Variants in SDK2 observed in about 807,000 individuals in gnomAD.
The protein encoded by SDK2 is sidekick cell adhesion molecule 2.
Under a neutral mutation model 253.9 loss-of-function variants are expected in SDK2, and 105 were observed. The observed-to-expected ratio is 0.41, with a 90% CI of 0.35 to 0.49. SDK2 has a LOEUF of 0.49. Among genes scored for constraint, SDK2 ranks in the 20% least tolerant of loss-of-function variants. The pLI, the probability that SDK2 is intolerant of heterozygous loss-of-function variation, is 0.06. For synonymous variants in SDK2, 1,249 were observed against 1,234.9 expected (o/e 1.01, Z -0.24); for missense variants, 2,608 against 3,003.0 (o/e 0.87, Z 3.07).
intron 26 of SDK2, 133 bp downstream of exon 26, chr17:73,394,076 A>G (rs2145504882): frequency 1.8e-6 from 1 of 552,870 alleles, no homozygotes; most frequent in East Asian, 3.1e-5. Context: ...ACCATTGGCT[A>G]GGACGCCAGG....
chr17:73,404,267 T>C (rs1423463870), intron 18 of SDK2, among the ~76,000 whole-genome samples: 1 of 152,176 alleles, frequency 6.6e-6, no homozygotes, highest in East Asian at 1.9e-4. Flanking sequence ...TGTGAGCCAC[T>C]TGTCCTTCTC....
At position 73,463,676 on chromosome 17, in the gene SDK2, A is replaced by C. The variant is rs1363689707; in HGVS notation, c.332-7623T>G. On this transcript the variant is annotated intron_variant, in intron 3 of 44. Transcript: ENST00000392650. ...TTTTAAACATTTTACACCTGGGATT[A>C]TCCTGTATATAGTCTTCCGTGATTT... 2.6e-5 allele frequency among the ~76,000 whole-genome samples: 4 copies of C among 152,248 alleles called. No homozygotes were observed. The South Asian group carries it at 6.2e-4, about 24-fold the overall frequency.
intron 5 of SDK2, among the ~76,000 whole-genome samples, chr17:73,441,840 C>A (rs564112395): frequency 6.6e-6 from 1 of 152,280 alleles, no homozygotes; most frequent in Admixed American, 6.5e-5. Context: ...CTGTGTCCCC[C>A]ACCCATTCAT....
chr17:73,414,172 C>T (rs1001623160), intron 18 of SDK2, among the ~76,000 whole-genome samples: 1 of 151,764 alleles, frequency 6.6e-6, no homozygotes, highest in Non-Finnish European at 1.5e-5. Context: ...CTCAGCCTCC[C>T]GAGTAGCTGG....
chr17:73,484,384 G>A lies in SDK2; in HGVS notation c.225-12166C>T, dbSNP rs2063757419. On this transcript the variant is annotated intron_variant, in intron 2 of 44. Transcript: ENST00000392650. ...GGGCTCACTCCAGCCTCCCAGGTGT[G>A]CAGGGGAGACTCAGTTGCTTCTCAA... is the stretch of plus-strand genomic sequence containing the variant. Among the ~76,000 whole-genome samples the A allele has an allele frequency of 2.6e-5, 4 of 152,202 alleles. No homozygotes were observed. The South Asian group carries it at 8.3e-4, about 31-fold the overall frequency.
intron 2 of SDK2, among the ~76,000 whole-genome samples, chr17:73,499,137 T>G (rs929659777): frequency 6.6e-6 from 1 of 152,234 alleles, no homozygotes; most frequent in African/African-American, 2.4e-5. Flanking sequence ...CTGCTCTCTC[T>G]TCTAAGGGGA....
At chr17:73,563,777 A>AT (rs59296594) in intron 1 of SDK2, among the ~76,000 whole-genome samples, 5,053 of 144,566 alleles carry the variant, frequency 0.035, 270 homozygotes, top group African/African-American at 0.12. Context: ...TCTCTCACTG[A>AT]TTTTTTTTTT....
chr17:73,342,411 T>C (rs909930917), intron 44 of SDK2, among the ~76,000 whole-genome samples: 1 of 152,206 alleles, frequency 6.6e-6, no homozygotes, highest in African/African-American at 2.4e-5. Flanking sequence ...AGACTCCATA[T>C]GCCGAGCGGG....
chr17:73,433,521 C>T (rs552924164), intron 10 of SDK2, among the ~76,000 whole-genome samples: 4 of 152,118 alleles, frequency 2.6e-5, no homozygotes, highest in Non-Finnish European at 5.9e-5. Flanking sequence ...TTCCTGACCT[C>T]AGGGTGATCT....
rs151190570 is a variant in SDK2, at chr17:73,606,683, G to C, written c.64+37342C>G. Among the ~76,000 whole-genome samples, 414 of 150,444 alleles carry C rather than the reference G, an allele frequency of 2.8e-3. 3 individuals carry two copies. Among genetic ancestry groups the C allele is most frequent in the African/African-American group, 9.5e-3 (390 of 41,166 alleles). ...TCCCTGCAGAGCCTGTTTTCTTTTG[G>C]AAAGTCACGATCGACTCTATCCATG... On this transcript the variant is annotated intron_variant, in intron 1 of 44. Transcript: ENST00000392650.
intron 15 of SDK2, among the ~76,000 whole-genome samples, chr17:73,421,895 C>T (rs1403543824): frequency 6.6e-6 from 1 of 152,004 alleles, no homozygotes; most frequent in Non-Finnish European, 1.5e-5. Context: ...TGCGGGAACC[C>T]TAGCAGGGCC....
rs2063699773 is a variant in SDK2 at position 73,478,312 on chromosome 17, G to T, written c.225-6094C>A. 2.0e-5 allele frequency among the ~76,000 whole-genome samples: 3 copies of T among 152,150 alleles called. No homozygotes were observed. In the South Asian group the frequency reaches 6.2e-4, roughly 32 times the overall value. ...TGGAGCTTCCTCGGGCTTTTTGACA[G>T]CTGCAGAGTATTGAGGAATCTTCCG... On this transcript the variant is annotated intron_variant, in intron 2 of 44. Coordinates refer to ENST00000392650, the MANE Select transcript of SDK2 (RefSeq NM_001144952.2).
At chr17:73,342,859 G>C (rs1014362045) in intron 44 of SDK2, among the ~76,000 whole-genome samples, 4 of 149,078 alleles carry the variant, frequency 2.7e-5, no homozygotes, top group Middle Eastern at 3.2e-3. Flanking sequence ...TAACCCAGGA[G>C]AGAATGCTGT....
chr17:73,523,138 C>G (rs9892000), intron 1 of SDK2, among the ~76,000 whole-genome samples: 3,036 of 152,278 alleles, frequency 0.02, 119 homozygotes, highest in African/African-American at 0.069. Flanking sequence ...CACTTGATAG[C>G]TCTTAGCCTC....
In SDK2 at chr17:73,359,336, G is replaced by A. The variant is rs571503607; in HGVS notation, c.5468-1132C>T. On this transcript the variant is annotated intron_variant, in intron 39 of 44. Coordinates refer to ENST00000392650, the MANE Select transcript of SDK2 (RefSeq NM_001144952.2). The stretch of plus-strand genomic sequence containing the variant: ...ATCGCTCACACAGCCTGGCAGCCCC[G>A]CCTGGCCCCTATGCCCACCCCACAG... 6.7e-5 allele frequency among the ~76,000 whole-genome samples: 10 copies of A among 149,580 alleles called. No individual in the cohort carries two copies. The South Asian group carries it at 1.6e-3, about 24-fold the overall frequency.
intron 18 of SDK2, among the ~76,000 whole-genome samples, chr17:73,405,467 CATATATATATATAT>C (rs1166184210): frequency 3.3e-4 from 2 of 6,036 alleles, no homozygotes; most frequent in African/African-American, 1.5e-3. Flanking sequence ...AACAAAAAAC[CATATATATATATAT>C]ATATATATAT....
At chr17:73,450,240 T>C (rs1180853168) in intron 4 of SDK2, among the ~76,000 whole-genome samples, 1 of 152,208 alleles carries the variant, frequency 6.6e-6, no homozygotes, top group Non-Finnish European at 1.5e-5. Context: ...AGCTTCCTCC[T>C]TGCTGGGCCT....
intron 18 of SDK2, among the ~76,000 whole-genome samples, chr17:73,403,456 C>T (rs1169334899): frequency 1.3e-5 from 2 of 151,922 alleles, no homozygotes; most frequent in African/African-American, 4.8e-5. Context: ...CTCCTGCTCT[C>T]ACCTCACGCT....
At chr17:73,528,769 A>G (rs952539132) in intron 1 of SDK2, among the ~76,000 whole-genome samples, 1 of 152,008 alleles carries the variant, frequency 6.6e-6, no homozygotes, top group Non-Finnish European at 1.5e-5. Flanking sequence ...CTCCCACTGC[A>G]TTTATCCCCT....
Sources: allele counts gnomAD v4.1 joint callset (sites outside exome capture counted in the v4.1 genomes callset), GRCh38; gene constraint gnomAD v4.1.1; transcripts MANE v1.5; gene names NCBI Gene and HGNC (gene_info 2026-07-23, HGNC 2026-07-21).